Variants in ANAPC10 observed in about 807,000 individuals in gnomAD.
The protein encoded by ANAPC10 is anaphase-promoting complex subunit 10.
In ANAPC10, 12 loss-of-function variants were observed where a neutral mutation model predicts 22.0. That is an observed-to-expected ratio of 0.55 (90% CI 0.35 to 0.88). The LOEUF is 0.88. Ranked by LOEUF, ANAPC10 falls within the 40% of genes least tolerant of loss-of-function variation. ANAPC10 has a pLI of 0.01. For missense variants in ANAPC10, 188 were observed against 220.9 expected (o/e 0.85, Z 0.94); for synonymous variants, 65 against 69.5 (o/e 0.94, Z 0.32).
At chr4:145,025,315 A>G (rs952861843) in intron 4 of ANAPC10, among the ~76,000 whole-genome samples, 4 of 145,682 alleles carry the variant, frequency 2.7e-5, no homozygotes, top group East Asian at 2.0e-4. Flanking sequence ...CTTTTGGCCT[A>G]TTTTGGCTTT....
At chr4:145,096,267 A>T (rs1203885003) in intron 1 of ANAPC10, among the ~76,000 whole-genome samples, 156 bp from the exon 2 acceptor site, 1 of 152,314 alleles carries the variant, frequency 6.6e-6, no homozygotes, top group East Asian at 1.9e-4. Flanking sequence ...CTGTAATTTA[A>T]ATCTTAGGGG....
intron 4 of ANAPC10, among the ~76,000 whole-genome samples, chr4:145,030,661 T>C (rs796610853): frequency 7.9e-5 from 12 of 152,302 alleles, no homozygotes; most frequent in East Asian, 3.9e-4. Flanking sequence ...ATAATTGGCA[T>C]AGACATACTT....
chr4:145,006,461 G>C (rs78233946), intron 4 of ANAPC10, among the ~76,000 whole-genome samples: 1 of 152,078 alleles, frequency 6.6e-6, no homozygotes, highest in African/African-American at 2.4e-5. Flanking sequence ...ATGAATAAAA[G>C]AATGTAGGGC....
rs1739376091 is a variant in ANAPC10, at chr4:145,040,670, C to G, written c.327+23902G>C. On this transcript the variant is annotated intron_variant, in intron 4 of 4. Transcript: ENST00000507656. ...GTCACCTAGCTAGTGACCTAGCTAGCCAGGATTTGAAAGTAATTACCCAAC... is the reference window on the plus strand; with the variant it reads ...GTCACCTAGCTAGTGACCTAGCTAGGCAGGATTTGAAAGTAATTACCCAAC... 2.6e-5 allele frequency among the ~76,000 whole-genome samples: 4 copies of G among 152,216 alleles called. No homozygotes were observed. The South Asian group carries it at 6.2e-4, about 24-fold the overall frequency.
At chr4:145,003,390 T>A (rs1377552520) in intron 4 of ANAPC10, among the ~76,000 whole-genome samples, 3 of 152,216 alleles carry the variant, frequency 2.0e-5, no homozygotes, top group Non-Finnish European at 4.4e-5. Flanking sequence ...CTTGGGTATA[T>A]ACCGAATAAT....
At chr4:145,075,502 G>T (rs188220003) in intron 3 of ANAPC10, among the ~76,000 whole-genome samples, 1 of 151,842 alleles carries the variant, frequency 6.6e-6, no homozygotes, top group Non-Finnish European at 1.5e-5. Flanking sequence ...CCATCAAGAA[G>T]ACAAGCATAC....
intron 4 of ANAPC10, among the ~76,000 whole-genome samples, chr4:145,056,551 C>T (rs1480143511): frequency 6.6e-6 from 1 of 152,186 alleles, no homozygotes; most frequent in Admixed American, 6.5e-5. Flanking sequence ...AGAACCCCCT[C>T]TTGGGGTCTG....
chr4:145,063,674 A>C (rs1188855583), intron 4 of ANAPC10, among the ~76,000 whole-genome samples: 1 of 152,178 alleles, frequency 6.6e-6, no homozygotes, highest in Non-Finnish European at 1.5e-5. Flanking sequence ...GTTCAAAGTC[A>C]TTGAAAATAC....
At chr4:145,049,274 T>C (rs1740757132) in intron 4 of ANAPC10, among the ~76,000 whole-genome samples, 1 of 152,218 alleles carries the variant, frequency 6.6e-6, no homozygotes, top group African/African-American at 2.4e-5. Context: ...TGAAGCAATT[T>C]CTTAAAATAA....
At chr4:145,006,796 C>A (rs1179778529) in intron 4 of ANAPC10, among the ~76,000 whole-genome samples, 6 of 152,044 alleles carry the variant, frequency 3.9e-5, no homozygotes, top group Non-Finnish European at 5.9e-5. Context: ...ACTGAAATGT[C>A]CTGTTTTGTT....
chr4:145,025,727 C>A (rs192061103), intron 4 of ANAPC10, among the ~76,000 whole-genome samples: 1 of 152,232 alleles, frequency 6.6e-6, no homozygotes, highest in East Asian at 1.9e-4. Context: ...ATAAAATGAG[C>A]ACATGCTGCT....
intron 3 of ANAPC10, among the ~76,000 whole-genome samples, chr4:145,080,880 C>G (rs1052787139): frequency 6.7e-6 from 1 of 149,222 alleles, no homozygotes; most frequent in Non-Finnish European, 1.5e-5. Context: ...GCACTCCAGC[C>G]CGGGCAACAA....
At chr4:145,021,296 C>G (rs749524575) in intron 4 of ANAPC10, among the ~76,000 whole-genome samples, 5 of 152,048 alleles carry the variant, frequency 3.3e-5, no homozygotes, top group Non-Finnish European at 5.9e-5. Flanking sequence ...ACATAGTCAC[C>G]AAAACAGCAT....
chr4:145,066,153 G>C (rs751838191), intron 3 of ANAPC10, among the ~76,000 whole-genome samples: 5 of 152,140 alleles, frequency 3.3e-5, no homozygotes, highest in Admixed American at 6.5e-5. Flanking sequence ...GGGCTCTGTA[G>C]CTCTTAGTAA....
At chr4:145,063,888 C>A (rs1051467940) in intron 4 of ANAPC10, 2 of 152,022 alleles carry the variant, frequency 1.3e-5, no homozygotes, top group African/African-American at 4.8e-5. Context: ...TGACTCTGTT[C>A]ATATGACATT....
At chr4:144,995,747 T>C (rs980100222) in intron 4 of ANAPC10, 144 bp from the exon 5 acceptor site, 16 of 634,156 alleles carry the variant, frequency 2.5e-5, no homozygotes, top group South Asian at 1.3e-4. Flanking sequence ...CTACCAGTTA[T>C]TGGACACTTT....
intron 4 of ANAPC10, among the ~76,000 whole-genome samples, chr4:145,009,764 A>T: frequency 6.6e-6 from 1 of 152,202 alleles, no homozygotes; most frequent in Admixed American, 6.5e-5. Context: ...AGGCATGGGC[A>T]AGGACTTCAT....
Position 145,006,413 on chromosome 4 carries a change from CAT to C in ANAPC10, c.328-10812_328-10811del, listed in dbSNP as rs112207517. On this transcript the variant is annotated intron_variant, in intron 4 of 4. Transcript: ENST00000507656. ...GCATGAGATATGGGTCTCCTGAATACATGTCTTCAAATAAGGAATAAGAAAGG... is the reference window on the plus strand; with the variant it reads ...GCATGAGATATGGGTCTCCTGAATACGTCTTCAAATAAGGAATAAGAAAGG... 5.6e-4 allele frequency among the ~76,000 whole-genome samples: 85 copies of C among 152,092 alleles called. 2 individuals carry two copies. The highest frequency in any genetic ancestry group is 1.8e-3 in the African/African-American group (75 of 41,512).
At chr4:145,056,464 T>C (rs894521046) in intron 4 of ANAPC10, among the ~76,000 whole-genome samples, 1 of 152,186 alleles carries the variant, frequency 6.6e-6, no homozygotes, top group African/African-American at 2.4e-5. Context: ...GTAGCCATTC[T>C]TTCATTCCTC....
Sources: allele counts gnomAD v4.1 joint callset (sites outside exome capture counted in the v4.1 genomes callset), GRCh38; gene constraint gnomAD v4.1.1; transcripts MANE v1.5; gene names NCBI Gene and HGNC (gene_info 2026-07-23, HGNC 2026-07-21).